Variants in FRYL observed in about 807,000 individuals in gnomAD.
FRYL encodes FRY like transcription coactivator.
FRYL carries 150 observed loss-of-function variants against 351.2 expected under a neutral mutation model. The observed-to-expected ratio is 0.43, with a 90% CI of 0.37 to 0.49. The LOEUF (loss-of-function observed/expected upper bound fraction) is 0.49. Ranked by LOEUF, FRYL falls within the 20% of genes least tolerant of loss-of-function variation. The probability of loss-of-function intolerance (pLI) is 0.00; values close to 1 mark genes in which losing one functional copy is unlikely to be tolerated. For synonymous variants in FRYL, 1,153 were observed against 1,257.1 expected, an observed-to-expected ratio of 0.92 and a Z score of 1.75; for missense variants, 3,036 against 3,619.3, an observed-to-expected ratio of 0.84 and a Z score of 4.13.
rs758090129 is a variant in FRYL at position 48,499,487 on chromosome 4, C to G, written c.8977G>C (p.Val2993Leu). 1 of 1,613,862 alleles carries G rather than the reference C, an allele frequency of 6.2e-7. No individual in the cohort carries two copies. The highest frequency in any genetic ancestry group is 1.1e-5 in the South Asian group (1 of 91,084). The change falls in exon 64 of 64, where the codon GTG (valine) becomes CTG (leucine). Residue 2993 changes from valine (V) to leucine (L), a missense_variant. This residue lies in a region of FRYL where 1,987 missense variants were observed against 2,311.7 expected (regional missense o/e 0.86). Transcript: ENST00000358350. The part of the protein sequence containing the change: ...NLEIRESLRM[V>L]QSYQLLAQAK... The stretch of plus-strand genomic sequence containing the variant: ...TGTGCTAGAAGTTGGTATGATTGCA[C>G]CATGCGTAGAGACTCTCTTATTTCC...
At chr4:48,666,801 T>C (rs552108502) in intron 3 of FRYL, among the ~76,000 whole-genome samples, 2 of 152,340 alleles carry the variant, frequency 1.3e-5, no homozygotes, top group South Asian at 2.1e-4. Flanking sequence ...CATCAGCTTA[T>C]ACTTCCTCTT....
Position 48,507,535 on chromosome 4 carries a change from C to CGTTAGTT in FRYL, c.8395-1921_8395-1920insAACTAAC, listed in dbSNP as rs140170102. ...ATCGGCCAAAACTCACTCAAACAAACAGTTAGTTAGTTAGAGAAAAGTACC... is the reference window on the plus strand; with the variant it reads ...ATCGGCCAAAACTCACTCAAACAAACGTTAGTTAGTTAGTTAGTTAGAGAAAAGTACC... On this transcript the variant is annotated intron_variant, in intron 59 of 63. Transcript: ENST00000358350. 2.7e-3 allele frequency among the ~76,000 whole-genome samples: 408 copies of CGTTAGTT among 151,790 alleles called. 7 individuals are homozygous for CGTTAGTT. The East Asian group carries it at 0.059, about 22-fold the overall frequency.
At chr4:48,592,641 C>A (rs972541297) in intron 16 of FRYL, among the ~76,000 whole-genome samples, 3 of 152,146 alleles carry the variant, frequency 2.0e-5, no homozygotes, top group Non-Finnish European at 2.9e-5. Context: ...CCATTTTTGT[C>A]GGTAGAAACC....
chr4:48,541,496 T>C (rs994282139), intron 45 of FRYL, among the ~76,000 whole-genome samples: 14 of 152,154 alleles, frequency 9.2e-5, no homozygotes, highest in African/African-American at 3.1e-4. Context: ...GATATGTAAA[T>C]GGATAAATTT....
At chr4:48,593,218 T>G (rs1488888863) in intron 16 of FRYL, among the ~76,000 whole-genome samples, 1 of 148,318 alleles carries the variant, frequency 6.7e-6, no homozygotes, top group Non-Finnish European at 1.5e-5. Flanking sequence ...ATGAATGAGA[T>G]TTATTGAAGA....
chr4:48,565,379 G>C, intron 29 of FRYL, 152 bp downstream of exon 29: 3 of 506,736 alleles, frequency 5.9e-6, no homozygotes, highest in Non-Finnish European at 9.8e-6. Context: ...TGTATTTTAT[G>C]TATTTAAATA....
At chr4:48,666,472 C>A (rs1761737026) in intron 3 of FRYL, among the ~76,000 whole-genome samples, 1 of 152,042 alleles carries the variant, frequency 6.6e-6, no homozygotes, top group Admixed American at 6.5e-5. Context: ...CAGTAAAATT[C>A]AATGGGCAAG....
At chr4:48,687,794 C>T (rs1424153483) in intron 2 of FRYL, among the ~76,000 whole-genome samples, 1 of 151,982 alleles carries the variant, frequency 6.6e-6, no homozygotes, top group Non-Finnish European at 1.5e-5. Flanking sequence ...TGTCTGTATG[C>T]CGGGAATACT....
intron 1 of FRYL, among the ~76,000 whole-genome samples, chr4:48,732,626 G>A (rs1370635166): frequency 2.0e-5 from 3 of 152,078 alleles, no homozygotes; most frequent in African/African-American, 7.2e-5. Flanking sequence ...GTCCTTTGCA[G>A]GGACATGGAT....
intron 1 of FRYL, among the ~76,000 whole-genome samples, chr4:48,720,051 G>C (rs1176273543): frequency 6.6e-6 from 1 of 150,698 alleles, no homozygotes; most frequent in African/African-American, 2.4e-5. Flanking sequence ...TTGGGAGGCT[G>C]AGGCAGGAGA....
chr4:48,610,695 A>G (rs1274664998), intron 7 of FRYL, among the ~76,000 whole-genome samples: 2 of 145,732 alleles, frequency 1.4e-5, no homozygotes, highest in Admixed American at 6.9e-5. Flanking sequence ...TTATATACAT[A>G]TATTATATAC....
At chr4:48,590,993 T>C (rs1432381091) in intron 16 of FRYL, among the ~76,000 whole-genome samples, 163 bp from the exon 17 acceptor site, 1 of 152,208 alleles carries the variant, frequency 6.6e-6, no homozygotes, top group Non-Finnish European at 1.5e-5. Context: ...GCACAGGCAT[T>C]AGAATTTGCT....
chr4:48,651,230 G>A (rs1757590196), intron 3 of FRYL, among the ~76,000 whole-genome samples: 1 of 146,954 alleles, frequency 6.8e-6, no homozygotes, highest in Admixed American at 6.8e-5. Context: ...GTGTGTGTGT[G>A]TGTGTGTGTG....
intron 12 of FRYL, among the ~76,000 whole-genome samples, chr4:48,602,992 T>C (rs1174785958): frequency 1.3e-5 from 2 of 152,180 alleles, no homozygotes; most frequent in African/African-American, 2.4e-5. Context: ...TCAATGATGT[T>C]TGCACAATGA....
chr4:48,745,891 A>G (rs1257296855), intron 1 of FRYL, among the ~76,000 whole-genome samples: 2 of 152,166 alleles, frequency 1.3e-5, no homozygotes, highest in African/African-American at 4.8e-5. Flanking sequence ...AGGAAAACAG[A>G]TTGAGACATT....
At chr4:48,641,808 A>G (rs1317626244) in intron 3 of FRYL, among the ~76,000 whole-genome samples, 1 of 152,172 alleles carries the variant, frequency 6.6e-6, no homozygotes, top group Non-Finnish European at 1.5e-5. Context: ...TAAAATAAAT[A>G]TTTCCCAAAT....
rs139456333 is a variant in FRYL, at chr4:48,646,503, C to G, written c.-80-12013G>C. Among the ~76,000 whole-genome samples the G allele has an allele frequency of 2.7e-4, 41 of 152,310 alleles. No homozygotes were observed. In the East Asian group the frequency reaches 7.7e-3, roughly 29 times the overall value. ...AAACAGGCAATGTCCTGTGGTATCA[C>G]ACATCAACAGACTAGGAAGAATAAC... On this transcript the variant is annotated intron_variant, in intron 3 of 63. Coordinates refer to ENST00000358350, the MANE Select transcript of FRYL (RefSeq NM_015030.2).
chr4:48,565,099 T>A (rs1736469700), intron 29 of FRYL, 56 bp from the exon 30 acceptor site: 1 of 1,027,176 alleles, frequency 9.7e-7, no homozygotes, highest in Non-Finnish European at 1.4e-6. Flanking sequence ...TAAATGTTGG[T>A]TGCTTAATGA....
intron 49 of FRYL, among the ~76,000 whole-genome samples, chr4:48,532,021 CTAGA>C (rs1727769634): frequency 6.6e-6 from 1 of 151,958 alleles, no homozygotes; most frequent in Non-Finnish European, 1.5e-5. Flanking sequence ...TATTTATGAG[CTAGA>C]TGTATATGTA....
Sources: allele counts gnomAD v4.1 joint callset (sites outside exome capture counted in the v4.1 genomes callset), GRCh38; gene constraint gnomAD v4.1.1; regional missense constraint gnomAD v4.1.1; transcripts MANE v1.5; gene names NCBI Gene and HGNC (gene_info 2026-07-23, HGNC 2026-07-21).